The following MTA3 variants were observed in gnomAD, a reference collection of about 807,000 sequenced individuals.
MTA3 encodes metastasis-associated protein MTA3.
In MTA3, 34 loss-of-function variants were observed where a neutral mutation model predicts 83.5. The observed-to-expected ratio is 0.41, with a 90% CI of 0.31 to 0.54. The LOEUF (loss-of-function observed/expected upper bound fraction) is 0.54. Ranked by LOEUF, MTA3 falls within the 20% of genes least tolerant of loss-of-function variation. The pLI is 0.33. For missense variants in MTA3, 761 were observed against 726.4 expected (o/e 1.05, Z -0.55); for synonymous variants, 303 against 252.7 (o/e 1.20, Z -1.89).
At chr2:42,649,018 A>T (rs893642065) in intron 6 of MTA3, among the ~76,000 whole-genome samples, 1 of 152,120 alleles carries the variant, frequency 6.6e-6, no homozygotes, top group African/African-American at 2.4e-5. Context: ...GCGATGAGCA[A>T]ATGAGGTAAT....
chr2:42,549,628 C>CGT (rs1677014126), intron 2 of MTA3, among the ~76,000 whole-genome samples: 1 of 115,296 alleles, frequency 8.7e-6, no homozygotes, highest in African/African-American at 3.8e-5. Flanking sequence ...ATATTATATA[C>CGT]ATATACATAT....
intron 3 of MTA3, among the ~76,000 whole-genome samples, chr2:42,603,131 G>A (rs1217673373): frequency 6.6e-6 from 1 of 150,984 alleles, no homozygotes; most frequent in Non-Finnish European, 1.5e-5. Flanking sequence ...TTTTTGCTGG[G>A]GGTAGGGTGG....
At chr2:42,693,965 T>G (rs1159532095) in intron 9 of MTA3, among the ~76,000 whole-genome samples, 1 of 152,154 alleles carries the variant, frequency 6.6e-6, no homozygotes, top group African/African-American at 2.4e-5. Context: ...GGCTCTTTAG[T>G]CAGCAGCTGA....
upstream of MTA3, among the ~76,000 whole-genome samples, chr2:42,567,627 C>G (rs906288836): frequency 6.6e-6 from 1 of 151,740 alleles, no homozygotes; most frequent in Non-Finnish European, 1.5e-5. Context: ...TGGGGGATCG[C>G]CAGCTAAGAT....
chr2:42,682,899 C>A (rs1489328948), intron 9 of MTA3, among the ~76,000 whole-genome samples: 1 of 151,992 alleles, frequency 6.6e-6, no homozygotes, highest in Admixed American at 6.6e-5. Context: ...GGTGAAACCC[C>A]ATCTCTACTG....
intron 4 of MTA3, among the ~76,000 whole-genome samples, chr2:42,620,867 T>G (rs1422447544): frequency 6.6e-6 from 1 of 152,216 alleles, no homozygotes; most frequent in Admixed American, 6.5e-5. Flanking sequence ...AATACCATTT[T>G]TACTTCAAGA....
intron 16 of MTA3, among the ~76,000 whole-genome samples, chr2:42,729,671 A>C (rs1668113532): frequency 6.6e-6 from 1 of 152,168 alleles, no homozygotes; most frequent in African/African-American, 2.4e-5. Flanking sequence ...TTATGCCAGT[A>C]CCATGCTGTT....
At chr2:42,706,103 A>G (rs1017686330) in intron 12 of MTA3, among the ~76,000 whole-genome samples, 4 of 152,148 alleles carry the variant, frequency 2.6e-5, no homozygotes, top group Admixed American at 6.5e-5. Context: ...TTGAAGGGGA[A>G]CATCACATCT....
intron 2 of MTA3, among the ~76,000 whole-genome samples, chr2:42,519,605 C>CAA (rs767935416): frequency 5.6e-5 from 6 of 106,608 alleles, no homozygotes; most frequent in Admixed American, 1.0e-4. Context: ...GACTCTGTCT[C>CAA]AAAAAAAAAA....
chr2:42,723,214 C>G lies in MTA3; in HGVS notation c.1759+179C>G, dbSNP rs1035716173. On this transcript the variant is annotated intron_variant, in intron 16 of 16. Transcript: ENST00000405094. Reference sequence around the variant, plus strand: ...CCACATTTTGCCAAGGGATAGTTCTCCATCCCATCAGGAGGTACTTATTTG... The same window carrying G: ...CCACATTTTGCCAAGGGATAGTTCTGCATCCCATCAGGAGGTACTTATTTG... The G allele has an allele frequency of 3.1e-5, 22 of 716,268 alleles. No individual in the cohort carries two copies. The East Asian group carries it at 6.1e-4, about 20-fold the overall frequency. The allele number at this position is 716,268 out of a possible 1,614,324, so 44.4% of individuals were successfully genotyped here.
At chr2:42,576,943 A>G (rs979899800) in intron 2 of MTA3, among the ~76,000 whole-genome samples, 1 of 150,252 alleles carries the variant, frequency 6.7e-6, no homozygotes, top group African/African-American at 2.5e-5. Flanking sequence ...AACTGAAAAT[A>G]CTTACTTTGT....
At position 42,682,489 on chromosome 2, in the gene MTA3, G is replaced by A; in HGVS notation, c.791G>A (p.Cys264Tyr). Reference protein sequence around the residue: ...VLVPLGGPVLCRDEMEEWSAS... With the variant: ...VLVPLGGPVLYRDEMEEWSAS... Reference sequence around the variant, plus strand: ...GTACCACTCGGAGGACCTGTTTTATGCAGAGATGAAATGGAGGAATGGTCA... The same window carrying A: ...GTACCACTCGGAGGACCTGTTTTATACAGAGATGAAATGGAGGAATGGTCA... The change falls in exon 9 of 17, where the codon TGC (cysteine) becomes TAC (tyrosine). Residue 264 changes from cysteine (C) to tyrosine (Y), a missense_variant. Cys to Tyr is a radical substitution (Grantham distance 194). Coordinates refer to ENST00000405094, the MANE Select transcript of MTA3 (RefSeq NM_001330442.2). The A allele has an allele frequency of 6.2e-7, 1 of 1,612,362 alleles. No individual in the cohort carries two copies. Among genetic ancestry groups the A allele is most frequent in the Non-Finnish European group, 8.5e-7 (1 of 1,179,204 alleles).
At chr2:42,598,602 T>A (rs1373242293) in intron 3 of MTA3, among the ~76,000 whole-genome samples, 1 of 152,190 alleles carries the variant, frequency 6.6e-6, no homozygotes, top group African/African-American at 2.4e-5. Context: ...GTTTTATTTA[T>A]CTCCTTAAAA....
At chr2:42,512,185 C>T (rs1421166374) in intron 2 of MTA3, among the ~76,000 whole-genome samples, 6 of 150,576 alleles carry the variant, frequency 4.0e-5, no homozygotes, top group Admixed American at 2.6e-4. Context: ...TCAACCTCAA[C>T]TTGATGACTG....
chr2:42,711,775 A>AGTGTGTGTGTGTGTGTGTGTGTGTGTGT (rs372997456), intron 14 of MTA3, among the ~76,000 whole-genome samples: 1 of 139,410 alleles, frequency 7.2e-6, no homozygotes, highest in African/African-American at 2.8e-5. Flanking sequence ...TGTATAGGAG[A>AGTGTGTGTGTGTGTGTGTGTGTGTGTGT]GAGAGAGAGT....
At chr2:42,724,379 G>A (rs144355982) in intron 16 of MTA3, among the ~76,000 whole-genome samples, 1 of 149,410 alleles carries the variant, frequency 6.7e-6, no homozygotes, top group Admixed American at 6.7e-5. Flanking sequence ...GCCAGGTCCA[G>A]TGGCTTATGC....
intron 2 of MTA3, among the ~76,000 whole-genome samples, chr2:42,550,955 A>T (rs1677077653): frequency 6.6e-6 from 1 of 151,836 alleles, no homozygotes; most frequent in Non-Finnish European, 1.5e-5. Context: ...AGAGGCTGAG[A>T]CAGGAGAATA....
intron 3 of MTA3, among the ~76,000 whole-genome samples, chr2:42,608,518 A>G (rs979111006): frequency 6.6e-6 from 1 of 151,910 alleles, no homozygotes. Flanking sequence ...AAGATCTGAT[A>G]CTTACTCCAT....
At chr2:42,548,842 A>AT (rs1676905607) in intron 2 of MTA3, among the ~76,000 whole-genome samples, 1 of 9,602 alleles carries the variant, frequency 1.0e-4, no homozygotes, top group African/African-American at 2.9e-4. Context: ...ATATATATAT[A>AT]TATAATATAT....
Sources: gnomAD v4.1 joint callset for allele counts (sites outside exome capture counted in the v4.1 genomes callset) on GRCh38, gnomAD v4.1.1 for gene constraint, MANE v1.5 for transcripts, NCBI Gene and HGNC (gene_info 2026-07-23, HGNC 2026-07-21) for gene names.